The following NAALADL2 variants were observed in gnomAD, a reference collection of about 807,000 sequenced individuals.
NAALADL2 encodes the protein inactive N-acetylated-alpha-linked acidic dipeptidase-like protein 2.
In NAALADL2, 76 loss-of-function variants were observed where a neutral mutation model predicts 87.2. That is an observed-to-expected ratio of 0.87 (90% confidence interval 0.72 to 1.05). NAALADL2 has a LOEUF of 1.05. NAALADL2 is among the 50% of genes least tolerant of loss of function. The probability of loss-of-function intolerance (pLI) is 0.00; values close to 1 mark genes in which losing one functional copy is unlikely to be tolerated. For synonymous variants in NAALADL2, 354 were observed against 331.0 expected, an observed-to-expected ratio of 1.07 and a Z score of -0.75; for missense variants, 1,089 against 945.8, an observed-to-expected ratio of 1.15 and a Z score of -1.99.
chr3:175,457,048 G>T lies in NAALADL2; in HGVS notation c.1235-6353G>T, dbSNP rs375686972. 2.6e-5 allele frequency among the ~76,000 whole-genome samples: 4 copies of T among 152,058 alleles called. No individual in the cohort carries two copies. In the East Asian group the frequency reaches 7.7e-4, roughly 29 times the overall value. On this transcript the variant is annotated intron_variant, in intron 6 of 13. Transcript: ENST00000454872. ...AGAGTGAGACTATGTTTTTCCTATT[G>T]CATTTTATGAGCTGGTGCATGATAT... is the stretch of plus-strand genomic sequence containing the variant.
chr3:175,567,191 G>A (rs4894722), intron 9 of NAALADL2, among the ~76,000 whole-genome samples: 138,988 of 152,206 alleles, frequency 0.91, 63,544 homozygotes, highest in Middle Eastern at 0.96. Flanking sequence ...ATTGTTACAC[G>A]AAGTCTTAAG....
intron 11 of NAALADL2, among the ~76,000 whole-genome samples, chr3:175,645,016 A>T (rs1729805213): frequency 6.6e-6 from 1 of 152,150 alleles, no homozygotes; most frequent in African/African-American, 2.4e-5. Context: ...TAAGTCATCC[A>T]TTAAACAATT....
At chr3:175,237,247 C>G (rs922172019) in intron 3 of NAALADL2, among the ~76,000 whole-genome samples, 5 of 152,168 alleles carry the variant, frequency 3.3e-5, no homozygotes, top group Admixed American at 3.3e-4. Flanking sequence ...TTCCAAGCAG[C>G]CACTGATTGA....
intron 5 of NAALADL2, among the ~76,000 whole-genome samples, chr3:175,393,670 G>C (rs1345940418): frequency 6.6e-6 from 1 of 152,046 alleles, no homozygotes; most frequent in Non-Finnish European, 1.5e-5. Context: ...AATAACCTGA[G>C]GATAAATCAG....
chr3:174,599,589 G>T (rs976485218), intron 2 of NAALADL2, among the ~76,000 whole-genome samples: 3 of 152,148 alleles, frequency 2.0e-5, no homozygotes, highest in African/African-American at 7.2e-5. Context: ...AGCAAAGCTA[G>T]ATCATTAGAA....
chr3:175,158,249 AT>A (rs1030349279), intron 2 of NAALADL2, among the ~76,000 whole-genome samples: 13 of 152,032 alleles, frequency 8.6e-5, no homozygotes, highest in African/African-American at 2.7e-4. Context: ...AGGGTTACGG[AT>A]TTTTTGCCCT....
At chr3:174,506,120 A>G (rs1719186244) in intron 1 of NAALADL2, among the ~76,000 whole-genome samples, 1 of 151,772 alleles carries the variant, frequency 6.6e-6, no homozygotes. Context: ...TGAAGATATA[A>G]TCATATTTTA....
rs112576528 is a variant in NAALADL2, at chr3:174,771,937, A to G, written c.-9+34191A>G. On this transcript the variant is annotated intron_variant, in intron 3 of 3. Coordinates refer to the NAALADL2 transcript ENST00000434257. ...TGCACATACTCAACTGTTCATTCTT[A>G]CTCTTATCAAACATATGTGATCAGG... 4.0e-3 allele frequency among the ~76,000 whole-genome samples: 611 copies of G among 152,248 alleles called. 1 individual carries two copies. Among genetic ancestry groups the G allele is most frequent in the African/African-American group, 0.014 (590 of 41,550 alleles).
At chr3:174,658,557 T>C (rs1725204970) in intron 2 of NAALADL2, among the ~76,000 whole-genome samples, 4 of 152,174 alleles carry the variant, frequency 2.6e-5, no homozygotes, top group Admixed American at 2.6e-4. Flanking sequence ...TTACCTTTGA[T>C]AGTACAGAAC....
chr3:175,591,468 T>A (rs974148153), intron 10 of NAALADL2, among the ~76,000 whole-genome samples: 1 of 152,032 alleles, frequency 6.6e-6, no homozygotes, highest in Non-Finnish European at 1.5e-5. Context: ...TTCTTAAAAA[T>A]GTTAATCATC....
In NAALADL2 at chr3:174,541,924, AGCG is replaced by A. The variant is rs202201382; in HGVS notation, c.-183-8644_-183-8642del. 1.2e-3 allele frequency among the ~76,000 whole-genome samples: 156 copies of A among 132,842 alleles called. 1 individual carries two copies. Among genetic ancestry groups the A allele is most frequent in the Admixed American group, 3.0e-3 (40 of 13,152 alleles). 87.1% of individuals were successfully genotyped at this position (132,842 alleles called of 152,430 possible). On this transcript the variant is annotated intron_variant, in intron 1 of 3. Coordinates refer to the NAALADL2 transcript ENST00000434257. ...AAAGCATGTCCATTGAAGCAGCAGC[AGCG>A]TACAGCAGAGTGACTACTTCTTGCA... is the stretch of plus-strand genomic sequence containing the variant.
At chr3:175,148,892 AGTTT>A (rs538095389) in intron 2 of NAALADL2, among the ~76,000 whole-genome samples, 88 of 152,082 alleles carry the variant, frequency 5.8e-4, no homozygotes, top group Middle Eastern at 3.4e-3. Flanking sequence ...TCTGGCTTTT[AGTTT>A]GTTTGTTTTT....
At chr3:175,037,715 A>T (rs9864480) in intron 1 of NAALADL2, among the ~76,000 whole-genome samples, 1,973 of 152,140 alleles carry the variant, frequency 0.013, 48 homozygotes, top group African/African-American at 0.046. Context: ...CCTTTTTCCT[A>T]GGTAGATCAT....
intron 11 of NAALADL2, among the ~76,000 whole-genome samples, chr3:175,669,151 A>G (rs989127856): frequency 1.3e-5 from 2 of 152,070 alleles, no homozygotes; most frequent in Non-Finnish European, 2.9e-5. Flanking sequence ...TAAAGCAATT[A>G]AACAAAAGGG....
intron 3 of NAALADL2, among the ~76,000 whole-genome samples, chr3:175,246,277 G>T (rs1359551494): frequency 6.6e-6 from 1 of 152,104 alleles, no homozygotes; most frequent in African/African-American, 2.4e-5. Flanking sequence ...TTCTAAAGCA[G>T]AAACTCGTTT....
chr3:174,820,672 G>A (rs1007177539), intron 3 of NAALADL2, among the ~76,000 whole-genome samples: 1 of 151,958 alleles, frequency 6.6e-6, no homozygotes, highest in Non-Finnish European at 1.5e-5. Context: ...TCTCTCTATA[G>A]AAAATACTGC....
rs747593273 is a variant in NAALADL2 at position 175,467,020 on chromosome 3, A to T, written c.1369A>T (p.Ser457Cys). Residue 457 changes from serine to cysteine, a missense_variant, in exon 8 of 14, where the codon AGT becomes TGT. Ser to Cys is a moderately radical substitution (Grantham distance 112). Transcript: ENST00000454872. The stretch of plus-strand genomic sequence containing the variant: ...TGGCAGCCATCATCACACTGCACAC[A>T]GTTATAATGGACAAGAATGGGCCAG... ...IVGSHHHTAH[S>C]YNGQEWASST... 1.2e-6 allele frequency: 2 copies of T among 1,613,716 alleles called. No homozygotes were observed. The highest frequency in any genetic ancestry group is 4.5e-5 in the East Asian group (2 of 44,878).
At chr3:175,619,548 A>C (rs1025281746) in intron 10 of NAALADL2, among the ~76,000 whole-genome samples, 10 of 151,410 alleles carry the variant, frequency 6.6e-5, no homozygotes, top group Non-Finnish European at 1.3e-4. Context: ...ATGCTAATGG[A>C]TTTTTTCAAC....
intron 5 of NAALADL2, among the ~76,000 whole-genome samples, chr3:175,364,325 G>T (rs752210120): frequency 2.0e-5 from 3 of 147,758 alleles, no homozygotes; most frequent in Admixed American, 7.0e-5. Context: ...AAGACCATCA[G>T]TGGTGAATAC....
Sources: allele counts gnomAD v4.1 joint callset (sites outside exome capture counted in the v4.1 genomes callset), GRCh38; gene constraint gnomAD v4.1.1; transcripts MANE v1.5; gene names NCBI Gene and HGNC (gene_info 2026-07-23, HGNC 2026-07-21).